Variants in FHOD1 observed in about 807,000 individuals in gnomAD.
FHOD1 encodes FH1/FH2 domain-containing protein 1.
FHOD1 carries 89 observed loss-of-function variants against 111.6 expected under a neutral mutation model. The observed-to-expected ratio is 0.80, with a 90% CI of 0.67 to 0.95. The LOEUF (loss-of-function observed/expected upper bound fraction) is 0.95, where lower values mean the gene tolerates loss of function less well. FHOD1 is among the 40% of genes least tolerant of loss of function. The pLI is 0.00. For missense variants in FHOD1, 1,446 were observed against 1,554.2 expected (o/e 0.93, Z 1.17); for synonymous variants, 618 against 639.0 (o/e 0.97, Z 0.50).
chr16:67,238,843 T>A lies in FHOD1; in HGVS notation c.373+60A>T. The A allele has an allele frequency of 6.5e-7, 1 of 1,549,936 alleles. No individual in the cohort carries two copies. Among genetic ancestry groups the A allele is most frequent in the Non-Finnish European group, 8.9e-7 (1 of 1,121,490 alleles). ...TCACTGTTCAGCACAGGCCTGAAGG[T>A]GAGCCAACTGGGCTATGGGGAGGAG... is the stretch of plus-strand genomic sequence containing the variant. On this transcript the variant is annotated intron_variant, in intron 3 of 21. Coordinates refer to ENST00000258201, the MANE Select transcript of FHOD1 (RefSeq NM_013241.3). This position sits in a 1 kb window ranked among gnomAD's most constrained non-coding sequence, Gnocchi z 4.2.
chr16:67,237,798 G>A lies in FHOD1; in HGVS notation c.643-30C>T, dbSNP rs1275816159. On this transcript the variant is annotated intron_variant, in intron 6 of 21. Transcript: ENST00000258201. This position sits in a 1 kb window ranked among gnomAD's most constrained non-coding sequence, Gnocchi z 5.6. Reference sequence around the variant, plus strand: ...GGAGAGAGGTCAGTACATATGAGTGGGGCTTAGGCCAGACCTGTGCCAGCT... The same window carrying A: ...GGAGAGAGGTCAGTACATATGAGTGAGGCTTAGGCCAGACCTGTGCCAGCT... The A allele has an allele frequency of 3.1e-6, 5 of 1,590,096 alleles. No individual in the cohort carries two copies. In the Admixed American group the frequency reaches 8.3e-5, roughly 27 times the overall value.
In FHOD1 at chr16:67,233,945, GGGA is replaced by G. The variant is rs758374560; in HGVS notation, c.1755_1757del (p.Pro587del). The G allele has an allele frequency of 4.4e-6, 7 of 1,593,628 alleles. No individual in the cohort carries two copies. The highest frequency in any genetic ancestry group is 5.1e-6 in the Non-Finnish European group (6 of 1,169,784). ...TGATGGGTGGGGGAGGTGGAAGTGG[GGGA>G]GGGGGGGGTACTCCCGAGAGCAGGG... On this transcript the variant is annotated inframe_deletion, in exon 13 of 22. Coordinates refer to ENST00000258201, the MANE Select transcript of FHOD1 (RefSeq NM_013241.3).
Position 67,238,735 on chromosome 16 carries a change from T to TC in FHOD1, c.373+167dup, listed in dbSNP as rs1422929815. The stretch of plus-strand genomic sequence containing the variant: ...CCTGGTCTATTCTAACATTCTTGAA[T>TC]CCCCCTCCACTCCCACCATGGCCCT... On this transcript the variant is annotated intron_variant, in intron 3 of 21. Transcript: ENST00000258201. The surrounding 1 kb of genome is among the most constrained non-coding windows in gnomAD (Gnocchi z 4.2). 3 of 703,396 alleles carry TC rather than the reference T, an allele frequency of 4.3e-6. No homozygotes were observed. In the East Asian group the frequency reaches 8.1e-5, roughly 19 times the overall value. 43.6% of individuals were successfully genotyped at this position (703,396 alleles called of 1,614,324 possible). A position where few individuals can be genotyped will look rare whatever the true frequency, so the allele number is the denominator to read the frequency against.
Position 67,237,390 on chromosome 16 carries a change from G to T in FHOD1, c.850-8C>A. On this transcript the variant is annotated splice_polypyrimidine_tract_variant and splice_region_variant and intron_variant, in intron 8 of 21. Coordinates refer to ENST00000258201, the MANE Select transcript of FHOD1 (RefSeq NM_013241.3). This position sits in a 1 kb window ranked among gnomAD's most constrained non-coding sequence, Gnocchi z 5.6. ...CGGGAGCGCCGCCAGCGTCTGGAGG[G>T]CGGGGATAAGAAGGCAAGGCTGAGG... 1 of 1,613,800 alleles carries T rather than the reference G, an allele frequency of 6.2e-7. No homozygotes were observed. The highest frequency in any genetic ancestry group is 8.5e-7 in the Non-Finnish European group (1 of 1,179,700).
chr16:67,232,763 G>A (rs941412424), intron 13 of FHOD1, among the ~76,000 whole-genome samples: 18 of 152,000 alleles, frequency 1.2e-4, no homozygotes, highest in Non-Finnish European at 1.9e-4. Context: ...GGATTTTCCT[G>A]CCTCAGCCTC....
chr16:67,246,051 A>T (rs1444003041), intron 1 of FHOD1, among the ~76,000 whole-genome samples: 2 of 152,202 alleles, frequency 1.3e-5, no homozygotes, highest in Non-Finnish European at 1.5e-5. Flanking sequence ...CCTTCCAGCC[A>T]TGGCCTTGAA....
chr16:67,236,440 A>G (rs1001379415), intron 11 of FHOD1, 117 bp downstream of exon 11: 7 of 1,505,694 alleles, frequency 4.6e-6, no homozygotes, highest in Non-Finnish European at 3.6e-6. Flanking sequence ...GAAGTCTGGA[A>G]AGAGAGAGAG....
intron 1 of FHOD1, among the ~76,000 whole-genome samples, chr16:67,244,534 A>G (rs2034756409): frequency 6.6e-6 from 1 of 152,044 alleles, no homozygotes. Flanking sequence ...TCTAGGAGGA[A>G]ATGAGCAAGG....
chr16:67,236,931 TC>T, intron 10 of FHOD1, 34 bp downstream of exon 10: 1 of 1,444,622 alleles, frequency 6.9e-7, no homozygotes, highest in Non-Finnish European at 9.3e-7. Flanking sequence ...GCCTAGTAGA[TC>T]CACCCTTTCC....
chr16:67,236,891 G>A, intron 10 of FHOD1, 75 bp downstream of exon 10: 1 of 1,512,866 alleles, frequency 6.6e-7, no homozygotes, highest in Non-Finnish European at 8.9e-7. Context: ...GAGGGGGTTG[G>A]GGTCAGGGCC....
At position 67,231,475 on chromosome 16, in the gene FHOD1, G is replaced by A; in HGVS notation, c.2460C>T (p.Ile820=). 6.2e-7 allele frequency: 1 copy of A among 1,614,168 alleles called. No homozygotes were observed. The highest frequency in any genetic ancestry group is 8.5e-7 in the Non-Finnish European group (1 of 1,180,030). ...TGCCCACCGCTAGGAGGGTAGCCAG[G>A]ATGCAGCGGAAGGTGGCATTCTGTA... ...QLVQNATFRC[I]LATLLAVGNF... Residue 820 remains isoleucine (I), a synonymous_variant, in exon 16 of 22, where the codon ATC becomes ATT. Coordinates refer to ENST00000258201, the MANE Select transcript of FHOD1 (RefSeq NM_013241.3). The surrounding 1 kb of genome is among the most constrained non-coding windows in gnomAD (Gnocchi z 4.3).
chr16:67,234,309 G>A (rs2034397270), intron 12 of FHOD1, 42 bp from the exon 13 acceptor site: 5 of 1,600,102 alleles, frequency 3.1e-6, no homozygotes, highest in South Asian at 2.2e-5. Context: ...GCCCCCTGTG[G>A]GGCAACAAAG....
In FHOD1 at chr16:67,239,437, C is replaced by A; in HGVS notation, c.219G>T (p.Leu73=). The A allele has an allele frequency of 6.2e-7, 1 of 1,614,014 alleles. No individual in the cohort carries two copies. ...GGTAGTATCCGGAGGGAGACACTTG[C>A]AGAGCACAATCCTCCAACTGGGGGC... The part of the protein sequence containing the change: ...GAPLKLEDCA[L]QVSPSGYYLD... Residue 73 remains leucine, a synonymous_variant, in exon 2 of 22, where the codon CTG becomes CTT. Coordinates refer to ENST00000258201, the MANE Select transcript of FHOD1 (RefSeq NM_013241.3).
In FHOD1 at chr16:67,238,820, A is replaced by T; in HGVS notation, c.373+83T>A. On this transcript the variant is annotated intron_variant, in intron 3 of 21. Transcript: ENST00000258201. The surrounding 1 kb of genome is among the most constrained non-coding windows in gnomAD (Gnocchi z 4.2). ...ACATACAGCTAAACCTACTTTGCTCACTGTTCAGCACAGGCCTGAAGGTGA... is the reference window on the plus strand; with the variant it reads ...ACATACAGCTAAACCTACTTTGCTCTCTGTTCAGCACAGGCCTGAAGGTGA... 2 of 1,362,086 alleles carry T rather than the reference A, an allele frequency of 1.5e-6. No homozygotes were observed. Among genetic ancestry groups the T allele is most frequent in the Non-Finnish European group, 1.1e-6 (1 of 950,586 alleles). The allele number at this position is 1,362,086 out of a possible 1,614,324, so 84.4% of individuals were successfully genotyped here. A position where few individuals can be genotyped will look rare whatever the true frequency, so the allele number is the denominator to read the frequency against.
intron 1 of FHOD1, chr16:67,246,974 T>G: frequency 1.9e-6 from 1 of 532,668 alleles, no homozygotes; most frequent in Non-Finnish European, 3.2e-6. Context: ...GTGCGCCTAA[T>G]TCGAAGGGCA....
chr16:67,233,674 CTT>C lies in FHOD1; in HGVS notation c.2027_2028del (p.Lys676ArgfsTer41), dbSNP rs1026628675. 6.3e-7 allele frequency: 1 copy of C among 1,599,420 alleles called. No homozygotes were observed. Among genetic ancestry groups the C allele is most frequent in the East Asian group, 2.2e-5 (1 of 44,464 alleles). On this transcript the variant is annotated frameshift_variant, in exon 13 of 22. Transcript: ENST00000258201. LOFTEE classifies it high-confidence loss of function. The stretch of plus-strand genomic sequence containing the variant: ...GGATTTACCTTGGAGGGCAGCACCT[CTT>C]TGGCACGAGACTCAAAGAGGTGTTC... Reference protein sequence around the residue: ...RLEHLFESRAKEVLPSKKAGE... With the variant: ...RLEHLFESRAXEVLPSKKAGE...
In FHOD1 at chr16:67,236,605, A is replaced by G; in HGVS notation, c.1271T>C (p.Ile424Thr). ...LQASVNLFPT[I>T]SVAPSADTSS... Reference sequence around the variant, plus strand: ...GGTGTCAGCTGAGGGTGCCACAGAGATGGTAGGAAAAAGGTTCACTGAAGC... The same window carrying G: ...GGTGTCAGCTGAGGGTGCCACAGAGGTGGTAGGAAAAAGGTTCACTGAAGC... Residue 424 changes from isoleucine (I) to threonine (T), a missense_variant, in exon 11 of 22, where the codon ATC becomes ACC. This residue lies in a region of FHOD1 where 1,085 missense variants were observed against 1,108.8 expected (regional missense o/e 0.98). Coordinates refer to ENST00000258201, the MANE Select transcript of FHOD1 (RefSeq NM_013241.3). 6.2e-7 allele frequency: 1 copy of G among 1,613,624 alleles called. No homozygotes were observed. Among genetic ancestry groups the G allele is most frequent in the Non-Finnish European group, 8.5e-7 (1 of 1,179,896 alleles).
Position 67,236,745 on chromosome 16 carries a change from G to A in FHOD1, c.1143-12C>T, listed in dbSNP as rs1490946179. 1.3e-6 allele frequency: 2 copies of A among 1,522,298 alleles called. No homozygotes were observed. The highest frequency in any genetic ancestry group is 2.1e-5 in the Admixed American group (1 of 47,984). The allele number at this position is 1,522,298 out of a possible 1,614,324, so 94.3% of individuals were successfully genotyped here. A position where few individuals can be genotyped will look rare whatever the true frequency, so the allele number is the denominator to read the frequency against. On this transcript the variant is annotated splice_polypyrimidine_tract_variant and intron_variant, in intron 10 of 21. Transcript: ENST00000258201. Reference sequence around the variant, plus strand: ...CGGGGCCTGTGGGGCTGAAAGCAGGGGCTGTCAGTGGGGCGGGGCCTGAGA... The same window carrying A: ...CGGGGCCTGTGGGGCTGAAAGCAGGAGCTGTCAGTGGGGCGGGGCCTGAGA...
chr16:67,246,817 G>GC (rs2034858599), intron 1 of FHOD1: 1 of 195,670 alleles, frequency 5.1e-6, no homozygotes, highest in Non-Finnish European at 1.0e-5. Flanking sequence ...TCGTGGTCCC[G>GC]CCCCCACCTC....
Sources: allele counts gnomAD v4.1 joint callset (sites outside exome capture counted in the v4.1 genomes callset), GRCh38; gene constraint gnomAD v4.1.1; regional missense constraint gnomAD v4.1.1; non-coding constraint Gnocchi (gnomAD v3.1); transcripts MANE v1.5; gene names NCBI Gene and HGNC (gene_info 2026-07-23, HGNC 2026-07-21).